The following IL1RAPL1 variants were observed in gnomAD, a reference collection of about 807,000 sequenced individuals.
The protein encoded by IL1RAPL1 is interleukin-1 receptor accessory protein-like 1.
Under a neutral mutation model 48.4 loss-of-function variants are expected in IL1RAPL1, and 3 were observed. The ratio of observed to expected loss-of-function variants is 0.06; its 90% confidence interval spans 0.03 to 0.16. IL1RAPL1 has a LOEUF of 0.16. Ranked by LOEUF, IL1RAPL1 falls within the 10% of genes least tolerant of loss-of-function variation. IL1RAPL1 has a pLI of 1.00. For synonymous variants in IL1RAPL1, 185 were observed against 187.7 expected (o/e 0.99, Z 0.12); for missense variants, 349 against 530.6 (o/e 0.66, Z 3.36).
intron 5 of IL1RAPL1, among the ~76,000 whole-genome samples, chrX:29,609,066 C>T (rs1924011755): frequency 9.0e-6 from 1 of 111,560 alleles, no homozygotes; most frequent in Non-Finnish European, 1.9e-5. Flanking sequence ...TGCTGATAAC[C>T]TTGGAATCAT....
chrX:29,536,666 A>G (rs1035453541), intron 5 of IL1RAPL1, among the ~76,000 whole-genome samples: 8 of 110,900 alleles, frequency 7.2e-5, no homozygotes, highest in African/African-American at 9.8e-5. Context: ...ACCTTTAAAC[A>G]TATTTTGAAC....
chrX:28,943,658 C>T lies in IL1RAPL1; in HGVS notation c.82+154233C>T, dbSNP rs186555106. ...GAGTTGCCAAGTATATTAGTAAGTACAAAAAGTAATGGTATTAAGTTTTAA... is the reference window on the plus strand; with the variant it reads ...GAGTTGCCAAGTATATTAGTAAGTATAAAAAGTAATGGTATTAAGTTTTAA... On this transcript the variant is annotated intron_variant, in intron 2 of 10. Coordinates refer to ENST00000378993, the MANE Select transcript of IL1RAPL1 (RefSeq NM_014271.4). Among the ~76,000 whole-genome samples the T allele has an allele frequency of 4.3e-3, 470 of 109,094 alleles. 4 individuals carry two copies. Among genetic ancestry groups the T allele is most frequent in the African/African-American group, 0.015 (442 of 30,103 alleles). The allele number at this position is 109,094 out of a possible 115,157, so 94.7% of individuals were successfully genotyped here.
chrX:29,029,989 T>C (rs750084338), intron 2 of IL1RAPL1, among the ~76,000 whole-genome samples: 1 of 109,352 alleles, frequency 9.1e-6, no homozygotes, highest in East Asian at 2.9e-4. Context: ...CCAACACCAT[T>C]GGTTGAAAAG....
chrX:28,881,853 G>A (rs1234018542), intron 2 of IL1RAPL1, among the ~76,000 whole-genome samples: 1 of 110,884 alleles, frequency 9.0e-6, no homozygotes, highest in African/African-American at 3.3e-5. Context: ...AAAGTAAAAA[G>A]AATGAACATA....
At chrX:29,323,053 G>A (rs1222399413) in intron 3 of IL1RAPL1, among the ~76,000 whole-genome samples, 1 of 111,931 alleles carries the variant, frequency 8.9e-6, no homozygotes, top group Admixed American at 9.5e-5. Flanking sequence ...CCAACCTCAC[G>A]TTCTTTTCCT....
At chrX:28,628,018 T>C (rs1255738136) in intron 1 of IL1RAPL1, among the ~76,000 whole-genome samples, 1 of 111,488 alleles carries the variant, frequency 9.0e-6, no homozygotes, top group Non-Finnish European at 1.9e-5. Flanking sequence ...TTCTTCTGAT[T>C]TGGGCTGGGC....
intron 1 of IL1RAPL1, among the ~76,000 whole-genome samples, chrX:28,612,408 T>G (rs1229705385): frequency 8.9e-6 from 1 of 111,834 alleles, no homozygotes; most frequent in Non-Finnish European, 1.9e-5. Context: ...CGGGGCGTTT[T>G]AAATTTTGGG....
chrX:28,926,880 C>G (rs1236667725), intron 2 of IL1RAPL1, among the ~76,000 whole-genome samples: 1 of 111,264 alleles, frequency 9.0e-6, no homozygotes, highest in Non-Finnish European at 1.9e-5. Flanking sequence ...GGATCCAAAT[C>G]TACATTCTCC....
chrX:29,802,208 T>C (rs1197136063), intron 6 of IL1RAPL1, among the ~76,000 whole-genome samples: 3 of 111,984 alleles, frequency 2.7e-5, no homozygotes, highest in Non-Finnish European at 5.6e-5. Context: ...AGCTAGCCTC[T>C]AGTAGAATTA....
intron 1 of IL1RAPL1, among the ~76,000 whole-genome samples, chrX:28,632,886 CTTTTT>C (rs140847456): frequency 1.5e-4 from 6 of 40,660 alleles, no homozygotes; most frequent in African/African-American, 4.9e-4. Flanking sequence ...TCACTGTATG[CTTTTT>C]TTTTTTTTTT....
chrX:28,708,757 G>A (rs1460885615), intron 1 of IL1RAPL1, among the ~76,000 whole-genome samples: 1 of 111,300 alleles, frequency 9.0e-6, no homozygotes, highest in Non-Finnish European at 1.9e-5. Flanking sequence ...TAAAAAACTT[G>A]ATCACATGGA....
intron 3 of IL1RAPL1, among the ~76,000 whole-genome samples, chrX:29,299,217 A>G (rs751389200): frequency 7.2e-5 from 8 of 111,138 alleles, no homozygotes; most frequent in Admixed American, 1.9e-4. Flanking sequence ...CAGACAGCCT[A>G]TTAAGGGACC....
intron 3 of IL1RAPL1, among the ~76,000 whole-genome samples, chrX:29,332,432 T>G (rs1189193401): frequency 1.1e-5 from 1 of 90,345 alleles, no homozygotes; most frequent in Non-Finnish European, 2.1e-5. Flanking sequence ...CCCTTTAGAT[T>G]AAAGATACAT....
chrX:29,755,235 C>G (rs1252887530), intron 6 of IL1RAPL1, among the ~76,000 whole-genome samples: 1 of 112,264 alleles, frequency 8.9e-6, no homozygotes, highest in Non-Finnish European at 1.9e-5. Context: ...ATTCCATCAT[C>G]TTTGACATTT....
At chrX:28,842,758 T>G (rs1308612913) in intron 2 of IL1RAPL1, among the ~76,000 whole-genome samples, 2 of 111,769 alleles carry the variant, frequency 1.8e-5, no homozygotes, top group African/African-American at 6.5e-5. Flanking sequence ...GTCTATTTAT[T>G]TGGTGGTAAT....
At chrX:29,717,886 T>A (rs1335330704) in intron 6 of IL1RAPL1, among the ~76,000 whole-genome samples, 1 of 112,227 alleles carries the variant, frequency 8.9e-6, no homozygotes. Flanking sequence ...CTTCTTGATC[T>A]CCTCCTTTGG....
At chrX:28,664,629 C>T (rs1934855366) in intron 1 of IL1RAPL1, among the ~76,000 whole-genome samples, 1 of 111,593 alleles carries the variant, frequency 9.0e-6, no homozygotes, top group South Asian at 3.7e-4. Context: ...CTTTGCCTTC[C>T]CTTGTTTTTT....
intron 1 of IL1RAPL1, among the ~76,000 whole-genome samples, chrX:28,701,149 A>G (rs1176020903): frequency 9.0e-6 from 1 of 111,660 alleles, no homozygotes; most frequent in East Asian, 2.8e-4. Flanking sequence ...ACAATGGTTG[A>G]ACTAATTTAC....
chrX:29,253,566 C>T (rs1931703659), intron 2 of IL1RAPL1, among the ~76,000 whole-genome samples: 1 of 111,077 alleles, frequency 9.0e-6, no homozygotes, highest in Non-Finnish European at 1.9e-5. Context: ...ATTTAATTGG[C>T]CCCACAACTC....
Sources: gnomAD v4.1 joint callset for allele counts (sites outside exome capture counted in the v4.1 genomes callset) on GRCh38, gnomAD v4.1.1 for gene constraint, MANE v1.5 for transcripts, NCBI Gene and HGNC (gene_info 2026-07-23, HGNC 2026-07-21) for gene names.